Variants in PATJ observed in about 807,000 individuals in gnomAD.
The protein encoded by PATJ is inaD-like protein.
Under a neutral mutation model 224.9 loss-of-function variants are expected in PATJ, and 190 were observed. The ratio of observed to expected loss-of-function variants is 0.84; its 90% CI spans 0.75 to 0.95. PATJ has a LOEUF of 0.95. PATJ is among the 40% of genes least tolerant of loss of function. The pLI is 0.00. For missense variants in PATJ, 2,121 were observed against 2,270.3 expected (o/e 0.93, Z 1.34); for synonymous variants, 769 against 820.3 (o/e 0.94, Z 1.07).
chr1:61,985,304 C>G lies in PATJ; in HGVS notation c.3671-4864C>G, dbSNP rs550983666. ...TCCAGCCTGGCGACAGAGCAAGACT[C>G]TGACTCAAAAAAAAAGAAGCTGCTG... On this transcript the variant is annotated intron_variant, in intron 27 of 43. Coordinates refer to ENST00000642238, the MANE Select transcript of PATJ (RefSeq NM_001350145.3). Among the ~76,000 whole-genome samples, 4 of 140,832 alleles carry G rather than the reference C, an allele frequency of 2.8e-5. No homozygotes were observed. In the South Asian group the frequency reaches 9.7e-4, roughly 34 times the overall value. The allele number at this position is 140,832 out of a possible 152,430, so 92.4% of individuals were successfully genotyped here. A position where few individuals can be genotyped will look rare whatever the true frequency, so the allele number is the denominator to read the frequency against.
At chr1:61,998,615 G>A (rs1645560305) in intron 28 of PATJ, among the ~76,000 whole-genome samples, 1 of 152,156 alleles carries the variant, frequency 6.6e-6, no homozygotes, top group East Asian at 1.9e-4. Context: ...AACCAAAGAA[G>A]AAGAAAATTT....
chr1:61,825,352 T>A (rs1570731672), intron 15 of PATJ, among the ~76,000 whole-genome samples: 1 of 152,210 alleles, frequency 6.6e-6, no homozygotes, highest in South Asian at 2.1e-4. Context: ...ATAATTGAGA[T>A]TTGACAGCAC....
At chr1:61,813,364 T>TATATATAC (rs1655303584) in intron 14 of PATJ, among the ~76,000 whole-genome samples, 2 of 50,904 alleles carry the variant, frequency 3.9e-5, no homozygotes, top group African/African-American at 1.7e-4. Flanking sequence ...TATATATATA[T>TATATATAC]ATATATATAT....
intron 30 of PATJ, among the ~76,000 whole-genome samples, chr1:62,047,610 G>A (rs1652802014): frequency 6.6e-6 from 1 of 152,098 alleles, no homozygotes; most frequent in East Asian, 1.9e-4. Flanking sequence ...CTTCTTCAGG[G>A]GCTCCCACAG....
intron 33 of PATJ, among the ~76,000 whole-genome samples, chr1:62,105,219 T>C (rs946195467): frequency 1.3e-5 from 2 of 152,224 alleles, no homozygotes; most frequent in African/African-American, 4.8e-5. Context: ...AGACCGCTTT[T>C]ATGGAATAAA....
At chr1:61,913,908 T>C (rs1673051412) in intron 25 of PATJ, among the ~76,000 whole-genome samples, 1 of 152,206 alleles carries the variant, frequency 6.6e-6, no homozygotes, top group Non-Finnish European at 1.5e-5. Flanking sequence ...TCTTGCAAAA[T>C]GTGATGTTTG....
At chr1:61,814,695 A>T (rs989469086) in intron 14 of PATJ, among the ~76,000 whole-genome samples, 2 of 152,200 alleles carry the variant, frequency 1.3e-5, no homozygotes, top group African/African-American at 4.8e-5. Context: ...TATGATTTTT[A>T]AAAATCCTCT....
intron 41 of PATJ, among the ~76,000 whole-genome samples, chr1:62,144,777 A>ATATATATATATATATATAT (rs1553280094): frequency 1.8e-4 from 22 of 119,088 alleles, no homozygotes; most frequent in African/African-American, 5.8e-4. Context: ...AAAAAAAAAA[A>ATATATATATATATATATAT]ATATATATAT....
intron 19 of PATJ, among the ~76,000 whole-genome samples, chr1:61,862,197 G>A (rs1183101687): frequency 2.0e-5 from 3 of 151,260 alleles, no homozygotes; most frequent in African/African-American, 7.3e-5. Flanking sequence ...TATAGTTGTT[G>A]TTGTTATTTT....
chr1:62,157,251 G>A (rs1431193599), intron 43 of PATJ, among the ~76,000 whole-genome samples: 1 of 151,508 alleles, frequency 6.6e-6, no homozygotes, highest in African/African-American at 2.4e-5. Context: ...TTGAACCTGA[G>A]AGGTGGAGGT....
intron 27 of PATJ, among the ~76,000 whole-genome samples, chr1:61,968,245 A>G (rs976960650): frequency 1.3e-5 from 2 of 152,084 alleles, no homozygotes; most frequent in Admixed American, 1.3e-4. Context: ...CAGTTTCTTT[A>G]GGTGTATGGG....
chr1:61,752,212 A>G (rs758950203), intron 1 of PATJ, among the ~76,000 whole-genome samples: 1 of 151,888 alleles, frequency 6.6e-6, no homozygotes, highest in African/African-American at 2.4e-5. Flanking sequence ...AGTTATAGGA[A>G]GAGTATTGAT....
chr1:61,949,163 G>A (rs758485041), intron 27 of PATJ, among the ~76,000 whole-genome samples: 24 of 151,378 alleles, frequency 1.6e-4, no homozygotes, highest in Non-Finnish European at 3.1e-4. Context: ...GTATATATAC[G>A]TAACAAACCT....
intron 43 of PATJ, among the ~76,000 whole-genome samples, chr1:62,159,968 C>T (rs1669689072): frequency 6.6e-6 from 1 of 152,106 alleles, no homozygotes; most frequent in Non-Finnish European, 1.5e-5. Flanking sequence ...ATCTCAGGAG[C>T]GTTAGTGCCT....
intron 27 of PATJ, among the ~76,000 whole-genome samples, chr1:61,939,857 A>G (rs1447674226): frequency 6.6e-6 from 1 of 151,662 alleles, no homozygotes; most frequent in African/African-American, 2.4e-5. Context: ...TATTTTTAGT[A>G]GAGACATGGT....
intron 14 of PATJ, among the ~76,000 whole-genome samples, chr1:61,814,543 T>TGCGCGCGCGC (rs1444580435): frequency 7.2e-6 from 1 of 138,784 alleles, no homozygotes; most frequent in African/African-American, 2.9e-5. Context: ...TGTGTGTGTG[T>TGCGCGCGCGC]GTGTGCGCGC....
intron 19 of PATJ, among the ~76,000 whole-genome samples, chr1:61,863,027 G>GTTTTTT (rs35033086): frequency 1.3e-5 from 1 of 79,996 alleles, no homozygotes; most frequent in Non-Finnish European, 2.5e-5. Context: ...ACTGTTTTCA[G>GTTTTTT]TTTTTTTTTT....
intron 27 of PATJ, among the ~76,000 whole-genome samples, chr1:61,985,456 A>G (rs1644701095): frequency 6.6e-6 from 1 of 152,146 alleles, no homozygotes; most frequent in Non-Finnish European, 1.5e-5. Flanking sequence ...TAAAATATAC[A>G]TAACAACATT....
chr1:61,850,448 T>C (rs1662634642), intron 17 of PATJ, among the ~76,000 whole-genome samples: 1 of 152,228 alleles, frequency 6.6e-6, no homozygotes, highest in South Asian at 2.1e-4. Flanking sequence ...CAAATGCATG[T>C]TTTACCTGTA....
Sources: allele counts gnomAD v4.1 joint callset (sites outside exome capture counted in the v4.1 genomes callset), GRCh38; gene constraint gnomAD v4.1.1; transcripts MANE v1.5; gene names NCBI Gene and HGNC (gene_info 2026-07-23, HGNC 2026-07-21).